The following DIAPH3 variants were observed in gnomAD, a reference collection of about 807,000 sequenced individuals.
DIAPH3 encodes the protein protein diaphanous homolog 3.
A neutral mutation model predicts 144.3 loss-of-function variants in DIAPH3; 117 were observed. The observed-to-expected ratio is 0.81, with a 90% CI of 0.70 to 0.95. The LOEUF is 0.95. Among genes scored for constraint, DIAPH3 ranks in the 40% least tolerant of loss-of-function variants. The pLI, the probability that DIAPH3 is intolerant of heterozygous loss-of-function variation, is 0.00. For synonymous variants in DIAPH3, 519 were observed against 488.9 expected, an observed-to-expected ratio of 1.06 and a Z score of -0.81; for missense variants, 1,421 against 1,412.7, an observed-to-expected ratio of 1.01 and a Z score of -0.09.
At chr13:60,014,051 C>A (rs1326402380) in intron 7 of DIAPH3, among the ~76,000 whole-genome samples, 1 of 152,072 alleles carries the variant, frequency 6.6e-6, no homozygotes, top group Non-Finnish European at 1.5e-5. Context: ...AAAGTTCAAT[C>A]TTCCTCAGAT....
intron 1 of DIAPH3, among the ~76,000 whole-genome samples, chr13:60,140,739 C>T (rs891454734): frequency 2.0e-5 from 3 of 151,914 alleles, no homozygotes; most frequent in African/African-American, 7.3e-5. Flanking sequence ...ATGGATAATA[C>T]TTTTCAGATT....
At chr13:59,782,603 T>C (rs142201908) in intron 25 of DIAPH3, among the ~76,000 whole-genome samples, 4 of 152,092 alleles carry the variant, frequency 2.6e-5, no homozygotes, top group African/African-American at 9.6e-5. Flanking sequence ...AGGAAGAGAA[T>C]TTGAAGGAAG....
intron 27 of DIAPH3, among the ~76,000 whole-genome samples, chr13:59,727,821 C>T (rs760930724): frequency 6.6e-6 from 1 of 152,110 alleles, no homozygotes; most frequent in Non-Finnish European, 1.5e-5. Flanking sequence ...GGTCTACCAC[C>T]ATACACAATT....
chr13:60,041,207 C>T (rs1317848473), intron 5 of DIAPH3, among the ~76,000 whole-genome samples: 1 of 152,162 alleles, frequency 6.6e-6, no homozygotes, highest in African/African-American at 2.4e-5. Flanking sequence ...ATGAATATAT[C>T]TGTCAAATAA....
intron 12 of DIAPH3, among the ~76,000 whole-genome samples, chr13:59,987,193 G>T (rs2051453274): frequency 6.6e-6 from 1 of 151,760 alleles, no homozygotes; most frequent in African/African-American, 2.4e-5. Flanking sequence ...GATGAAATTG[G>T]AAATCATCAT....
At chr13:60,023,483 G>A (rs1012969287) in intron 5 of DIAPH3, among the ~76,000 whole-genome samples, 4 of 151,626 alleles carry the variant, frequency 2.6e-5, no homozygotes, top group Admixed American at 2.6e-4. Context: ...TCCCAAACTG[G>A]AGGGCAGTGG....
intron 27 of DIAPH3, among the ~76,000 whole-genome samples, chr13:59,681,240 A>G (rs2032928979): frequency 1.3e-5 from 2 of 152,170 alleles, no homozygotes; most frequent in Admixed American, 6.5e-5. Flanking sequence ...GGAGGCAGAG[A>G]TGGTAGGATT....
chr13:59,884,584 T>C (rs776697169), intron 20 of DIAPH3, among the ~76,000 whole-genome samples: 1 of 152,136 alleles, frequency 6.6e-6, no homozygotes, highest in Non-Finnish European at 1.5e-5. Flanking sequence ...TGCAGTTTTA[T>C]GAAAGACAAG....
At chr13:60,100,640 T>C (rs1450754094) in intron 3 of DIAPH3, among the ~76,000 whole-genome samples, 2 of 152,162 alleles carry the variant, frequency 1.3e-5, no homozygotes, top group East Asian at 1.9e-4. Context: ...GAATTCTCTA[T>C]ACTATTTTTG....
intron 21 of DIAPH3, among the ~76,000 whole-genome samples, chr13:59,865,719 G>A (rs2043876696): frequency 6.6e-6 from 1 of 151,946 alleles, no homozygotes. Flanking sequence ...TTGTCAGTCT[G>A]CAGTAAAACT....
At chr13:60,003,948 T>C (rs533371043) in intron 9 of DIAPH3, among the ~76,000 whole-genome samples, 2 of 152,218 alleles carry the variant, frequency 1.3e-5, no homozygotes, top group African/African-American at 4.8e-5. Flanking sequence ...TTTCTTACTA[T>C]ATAATATCAA....
Position 60,072,090 on chromosome 13 carries a change from C to T in DIAPH3, c.495+21538G>A, listed in dbSNP as rs145736138. Reference sequence around the variant, plus strand: ...AGGCTCCATAGATTTGGTTACCTTCCACATGGGCCCTCTCCCACGGTAGCT... The same window carrying T: ...AGGCTCCATAGATTTGGTTACCTTCTACATGGGCCCTCTCCCACGGTAGCT... On this transcript the variant is annotated intron_variant, in intron 4 of 27. Transcript: ENST00000400324. Among the ~76,000 whole-genome samples, 6 of 152,244 alleles carry T rather than the reference C, an allele frequency of 3.9e-5. No individual in the cohort carries two copies. The East Asian group carries it at 1.2e-3, about 29-fold the overall frequency.
intron 4 of DIAPH3, among the ~76,000 whole-genome samples, chr13:60,082,294 G>A (rs1220574178): frequency 6.6e-6 from 1 of 150,960 alleles, no homozygotes; most frequent in Non-Finnish European, 1.5e-5. Flanking sequence ...AAAAGCATTT[G>A]GGAGAAGACG....
chr13:59,674,493 C>T (rs77856625), intron 27 of DIAPH3, among the ~76,000 whole-genome samples: 6,890 of 152,206 alleles, frequency 0.045, 178 homozygotes, highest in African/African-American at 0.054. Flanking sequence ...ATTTGTGCTA[C>T]CTTCCCAACC....
chr13:60,136,725 G>A (rs1239717533), intron 1 of DIAPH3, among the ~76,000 whole-genome samples: 3 of 151,998 alleles, frequency 2.0e-5, no homozygotes, highest in African/African-American at 7.2e-5. Context: ...CACGAGGTCA[G>A]GAGATCGAGA....
At chr13:60,078,023 T>C (rs962999283) in intron 4 of DIAPH3, among the ~76,000 whole-genome samples, 2 of 152,134 alleles carry the variant, frequency 1.3e-5, no homozygotes, top group Admixed American at 1.3e-4. Flanking sequence ...AAACAGATTG[T>C]ATACCTGCTC....
chr13:59,668,462 G>A (rs2032153845), intron 27 of DIAPH3, among the ~76,000 whole-genome samples: 1 of 152,148 alleles, frequency 6.6e-6, no homozygotes, highest in Admixed American at 6.5e-5. Context: ...AAAGTCTAAT[G>A]GCAAAGAAGA....
At chr13:59,890,922 C>A (rs1394765483) in intron 20 of DIAPH3, among the ~76,000 whole-genome samples, 1 of 151,590 alleles carries the variant, frequency 6.6e-6, no homozygotes, top group Non-Finnish European at 1.5e-5. Flanking sequence ...CTTTACGGAC[C>A]CTTTCAGAAA....
chr13:59,906,967 T>G (rs946289920), intron 20 of DIAPH3, among the ~76,000 whole-genome samples: 1 of 152,122 alleles, frequency 6.6e-6, no homozygotes, highest in Non-Finnish European at 1.5e-5. Context: ...AATGCAGTCA[T>G]AAAACTAAAG....
Sources: allele counts gnomAD v4.1 joint callset (sites outside exome capture counted in the v4.1 genomes callset), GRCh38; gene constraint gnomAD v4.1.1; transcripts MANE v1.5; gene names NCBI Gene and HGNC (gene_info 2026-07-23, HGNC 2026-07-21).